The following KLHL28 variants were observed in gnomAD, a reference collection of about 807,000 sequenced individuals.
KLHL28 encodes the protein kelch like family member 28.
A neutral mutation model predicts 48.3 loss-of-function variants in KLHL28; 22 were observed. The ratio of observed to expected loss-of-function variants is 0.46; its 90% CI spans 0.33 to 0.65. KLHL28 has a LOEUF of 0.65. Among genes scored for constraint, KLHL28 ranks in the 30% least tolerant of loss-of-function variants. The pLI, the probability that KLHL28 is intolerant of heterozygous loss-of-function variation, is 0.03. For missense variants in KLHL28, 527 were observed against 704.3 expected (o/e 0.75, Z 2.85); for synonymous variants, 243 against 242.4 (o/e 1.00, Z -0.02).
rs1883345310 is a variant in KLHL28 at position 44,925,428 on chromosome 14, T to C, written c.*3600A>G. On this transcript the variant is annotated 3_prime_UTR_variant, in exon 5 of 5. Coordinates refer to ENST00000396128, the MANE Select transcript of KLHL28 (RefSeq NM_017658.5). The stretch of plus-strand genomic sequence containing the variant: ...GATTTGGAGTTCTATAAATATTAGG[T>C]TTTTTAATATTTCTTTTTCATGCCA... 6.6e-6 allele frequency: 1 copy of C among 152,026 alleles called. No individual in the cohort carries two copies. The highest frequency in any genetic ancestry group is 1.5e-5 in the Non-Finnish European group (1 of 67,916). 9.4% of individuals were successfully genotyped at this position (152,026 alleles called of 1,614,324 possible).
Position 44,931,533 on chromosome 14 carries a change from C to A in KLHL28, c.1352G>T (p.Arg451Leu), listed in dbSNP as rs80059988. 6.2e-7 allele frequency: 1 copy of A among 1,610,638 alleles called. No individual in the cohort carries two copies. The highest frequency in any genetic ancestry group is 1.3e-5 in the African/African-American group (1 of 74,750). Reference protein sequence around the residue: ...YGPAHMNSVERYDPSKDSWEM... With the variant: ...YGPAHMNSVELYDPSKDSWEM... ...CCAGGAGTCCTTACTTGGATCATAA[C>A]GCTCCACACTGCAAATATTTAAAAA... Residue 451 changes from arginine (R) to leucine (L), a missense_variant, in exon 4 of 5, where the codon CGT becomes CTT. By Grantham distance (102) the Arg-to-Leu change is moderately radical. Coordinates refer to ENST00000396128, the MANE Select transcript of KLHL28 (RefSeq NM_017658.5).
chr14:44,951,310 T>C (rs1884569746), intron 1 of KLHL28, among the ~76,000 whole-genome samples: 1 of 152,214 alleles, frequency 6.6e-6, no homozygotes, highest in African/African-American at 2.4e-5. Context: ...CACTCTCTCA[T>C]ATTCCAGGAG....
rs551254845 is a variant in KLHL28 at position 44,948,325 on chromosome 14, G to A, written c.1-2397C>T. ...AACATGATAAACTGTAAGTGATATT[G>A]TACTACAGTAGTACTATGGTAGCAG... On this transcript the variant is annotated intron_variant, in intron 1 of 4. Transcript: ENST00000396128. Among the ~76,000 whole-genome samples the A allele has an allele frequency of 3.3e-5, 5 of 152,184 alleles. No individual in the cohort carries two copies. In the South Asian group the frequency reaches 8.3e-4, roughly 25 times the overall value.
Position 44,928,876 on chromosome 14 carries a change from A to C in KLHL28, c.*152T>G. The C allele has an allele frequency of 1.7e-6, 1 of 575,580 alleles. No homozygotes were observed. The highest frequency in any genetic ancestry group is 3.0e-6 in the Non-Finnish European group (1 of 331,380). The allele number at this position is 575,580 out of a possible 1,614,324, so 35.7% of individuals were successfully genotyped here. ...TCAAGAGCAACCAAAACTACTTCTC[A>C]ATTAAAAGTACCCAACAAAACTTTT... On this transcript the variant is annotated 3_prime_UTR_variant, in exon 5 of 5. Transcript: ENST00000396128.
intron 1 of KLHL28, among the ~76,000 whole-genome samples, chr14:44,959,012 T>C (rs983763328): frequency 6.6e-6 from 1 of 151,678 alleles, no homozygotes. Context: ...CTAAAAATAT[T>C]TTGAATAGAA....
chr14:44,954,058 T>C (rs2138662233), intron 1 of KLHL28, among the ~76,000 whole-genome samples: 1 of 152,270 alleles, frequency 6.6e-6, no homozygotes, highest in African/African-American at 2.4e-5. Flanking sequence ...ATTTTAACCA[T>C]ACAAAAATTG....
chr14:44,933,885 C>T (rs911156631), intron 3 of KLHL28, among the ~76,000 whole-genome samples: 1 of 152,114 alleles, frequency 6.6e-6, no homozygotes, highest in African/African-American at 2.4e-5. Flanking sequence ...GTTTTAAAAT[C>T]TAGTCCATTT....
chr14:44,955,742 C>T (rs1242420798), intron 1 of KLHL28, among the ~76,000 whole-genome samples: 1 of 152,186 alleles, frequency 6.6e-6, no homozygotes, highest in East Asian at 1.9e-4. Context: ...GCAGTGATTG[C>T]ACAACTGCAC....
At chr14:44,930,494 C>T (rs1458448523) in intron 4 of KLHL28, among the ~76,000 whole-genome samples, 1 of 152,084 alleles carries the variant, frequency 6.6e-6, no homozygotes, top group East Asian at 1.9e-4. Context: ...GAACTCCTGA[C>T]CTCAAGTGAT....
rs921139959 is a variant in KLHL28, at chr14:44,926,592, T to A, written c.*2436A>T. Reference sequence around the variant, plus strand: ...TGCAAGCTCGGCTCACTGCAACCTCTGCCTCCTGGGTTCAAGTGATTCTCC... The same window carrying A: ...TGCAAGCTCGGCTCACTGCAACCTCAGCCTCCTGGGTTCAAGTGATTCTCC... On this transcript the variant is annotated 3_prime_UTR_variant, in exon 5 of 5. Transcript: ENST00000396128. The A allele has an allele frequency of 6.6e-6, 1 of 152,100 alleles. No homozygotes were observed. The highest frequency in any genetic ancestry group is 1.5e-5 in the Non-Finnish European group (1 of 68,042). The allele number at this position is 152,100 out of a possible 1,614,324, so 9.4% of individuals were successfully genotyped here. A position where few individuals can be genotyped will look rare whatever the true frequency, so the allele number is the denominator to read the frequency against.
intron 2 of KLHL28, among the ~76,000 whole-genome samples, chr14:44,944,045 A>C (rs1057258323): frequency 2.0e-5 from 3 of 152,208 alleles, no homozygotes; most frequent in Non-Finnish European, 4.4e-5. Context: ...CATTGATGAA[A>C]CGTCAAGTTT....
In KLHL28 at chr14:44,926,654, CTGCCACAA is replaced by C. The variant is rs2138569523; in HGVS notation, c.*2366_*2373del. On this transcript the variant is annotated 3_prime_UTR_variant, in exon 5 of 5. Coordinates refer to ENST00000396128, the MANE Select transcript of KLHL28 (RefSeq NM_017658.5). ...CCCAAGTAGCTGGGATTACAGGTAC[CTGCCACAA>C]TGCCCAGCTAATTTTTTGTATTTTT... is the stretch of plus-strand genomic sequence containing the variant. 6.6e-6 allele frequency: 1 copy of C among 152,210 alleles called. No homozygotes were observed. The highest frequency in any genetic ancestry group is 1.5e-5 in the Non-Finnish European group (1 of 68,108). 9.4% of individuals were successfully genotyped at this position (152,210 alleles called of 1,614,324 possible). A position where few individuals can be genotyped will look rare whatever the true frequency, so the allele number is the denominator to read the frequency against.
chr14:44,955,643 G>A (rs144296967), intron 1 of KLHL28, among the ~76,000 whole-genome samples: 80 of 152,278 alleles, frequency 5.3e-4, no homozygotes, highest in Middle Eastern at 3.4e-3. Context: ...AAAATTAGCT[G>A]GATGTGGTGG....
rs1390511386 is a variant in KLHL28, at chr14:44,934,304, G to C, written c.1154C>G (p.Ala385Gly). Residue 385 changes from alanine (A) to glycine (G), a missense_variant, in exon 3 of 5, where the codon GCA becomes GGA. Coordinates refer to ENST00000396128, the MANE Select transcript of KLHL28 (RefSeq NM_017658.5). ...ACCACCTAAGGCATAAAGTTCTCCT[G>C]CAAGTACTACTACTCCAAGAGTACT... ...SRSTLGVVVL[A>G]GELYALGGYD... 6.2e-7 allele frequency: 1 copy of C among 1,613,996 alleles called. No individual in the cohort carries two copies. Among genetic ancestry groups the C allele is most frequent in the Admixed American group, 1.7e-5 (1 of 60,004 alleles).
At chr14:44,956,224 G>C (rs1295690619) in intron 1 of KLHL28, among the ~76,000 whole-genome samples, 2 of 152,120 alleles carry the variant, frequency 1.3e-5, no homozygotes, top group Non-Finnish European at 2.9e-5. Context: ...GCCTCCCAAA[G>C]TACTGGGGTT....
chr14:44,948,807 A>C (rs1372325870), intron 1 of KLHL28, among the ~76,000 whole-genome samples: 1 of 152,036 alleles, frequency 6.6e-6, no homozygotes, highest in Non-Finnish European at 1.5e-5. Flanking sequence ...CCTTTCCTCC[A>C]ATTCAAATTC....
Position 44,926,177 on chromosome 14 carries a change from C to G in KLHL28, c.*2851G>C, listed in dbSNP as rs1883365251. On this transcript the variant is annotated 3_prime_UTR_variant, in exon 5 of 5. Transcript: ENST00000396128. ...GCGCTAATGTAAACATATTAGTTGT[C>G]AGGTCAGATTAGTAGCTCTGGTTGT... 6.6e-6 allele frequency: 1 copy of G among 152,170 alleles called. No individual in the cohort carries two copies. The highest frequency in any genetic ancestry group is 6.5e-5 in the Admixed American group (1 of 15,284). 9.4% of individuals were successfully genotyped at this position (152,170 alleles called of 1,614,324 possible). A position where few individuals can be genotyped will look rare whatever the true frequency, so the allele number is the denominator to read the frequency against.
Position 44,931,438 on chromosome 14 carries a change from C to T in KLHL28, c.1447G>A (p.Val483Met), listed in dbSNP as rs1247900014. Residue 483 changes from valine (V) to methionine (M), a missense_variant, in exon 4 of 5, where the codon GTG becomes ATG. By Grantham distance (21) the Val-to-Met change is conservative. Coordinates refer to ENST00000396128, the MANE Select transcript of KLHL28 (RefSeq NM_017658.5). Reference protein sequence around the residue: ...GVGVMLGFIFVVGGHNGVSHL... With the variant: ...GVGVMLGFIFMVGGHNGVSHL... ...GAGACTCCATTATGTCCACCCACCA[C>T]AAAAATAAAGCCTAGCATGACACCC... 1 of 1,613,908 alleles carries T rather than the reference C, an allele frequency of 6.2e-7. No individual in the cohort carries two copies. The highest frequency in any genetic ancestry group is 8.5e-7 in the Non-Finnish European group (1 of 1,179,964).
At chr14:44,957,972 T>C (rs1444693057) in intron 1 of KLHL28, among the ~76,000 whole-genome samples, 1 of 151,044 alleles carries the variant, frequency 6.6e-6, no homozygotes, top group East Asian at 1.9e-4. Context: ...GGCTTTAAAA[T>C]GAAATAAAGA....
Sources: allele counts gnomAD v4.1 joint callset (sites outside exome capture counted in the v4.1 genomes callset), GRCh38; gene constraint gnomAD v4.1.1; transcripts MANE v1.5; gene names NCBI Gene and HGNC (gene_info 2026-07-23, HGNC 2026-07-21).